The following DHRS4 variants were observed in gnomAD, a reference collection of about 807,000 sequenced individuals.
DHRS4 encodes dehydrogenase/reductase SDR family member 4.
In DHRS4, 20 loss-of-function variants were observed where a neutral mutation model predicts 28.4. That is an observed-to-expected ratio of 0.71 (90% CI 0.50 to 1.02). The LOEUF (loss-of-function observed/expected upper bound fraction) is 1.02, where lower values mean the gene tolerates loss of function less well. Among genes scored for constraint, DHRS4 ranks in the 50% least tolerant of loss-of-function variants. DHRS4 has a pLI of 0.00. For synonymous variants in DHRS4, 144 were observed against 146.4 expected (o/e 0.98, Z 0.12); for missense variants, 378 against 367.2 (o/e 1.03, Z -0.24).
chr14:23,963,427 C>T (rs1594429663), intron 3 of DHRS4, among the ~76,000 whole-genome samples: 1 of 139,460 alleles, frequency 7.2e-6, no homozygotes, highest in Admixed American at 7.2e-5. Context: ...CATCAGCACT[C>T]GCTGCTTCAT....
At chr14:23,966,838 C>A (rs141694248) in intron 6 of DHRS4, among the ~76,000 whole-genome samples, 1 of 152,216 alleles carries the variant, frequency 6.6e-6, no homozygotes, top group Non-Finnish European at 1.5e-5. Flanking sequence ...CTTCCCTTTC[C>A]GTTCTTCACT....
chr14:23,960,979 T>C (rs893192960), intron 3 of DHRS4, among the ~76,000 whole-genome samples: 10 of 151,828 alleles, frequency 6.6e-5, no homozygotes, highest in Non-Finnish European at 1.5e-4. Flanking sequence ...GATACCAGTC[T>C]CTTTTAAACA....
intron 2 of DHRS4, among the ~76,000 whole-genome samples, chr14:23,958,643 T>C (rs1355688412): frequency 1.3e-5 from 2 of 152,224 alleles, no homozygotes; most frequent in African/African-American, 2.4e-5. Flanking sequence ...AATGACATCA[T>C]AACCAAATAT....
At position 23,955,217 on chromosome 14, in the gene DHRS4, G is replaced by A. The variant is rs751158110; in HGVS notation, c.306+5G>A. 6.2e-7 allele frequency: 1 copy of A among 1,611,602 alleles called. No individual in the cohort carries two copies. The highest frequency in any genetic ancestry group is 1.3e-5 in the African/African-American group (1 of 74,888). On this transcript the variant is annotated splice_donor_5th_base_variant and intron_variant, in intron 2 of 7. Coordinates refer to ENST00000313250, the MANE Select transcript of DHRS4 (RefSeq NM_021004.4). ...CGGGAGCGGCTGGTGGCCACGGTGA[G>A]CTGCAGGGAAATGGGCACAGAGCCA...
chr14:23,959,176 C>T (rs6573485), intron 2 of DHRS4, among the ~76,000 whole-genome samples: 28,139 of 151,972 alleles, frequency 0.19, 6,234 homozygotes, highest in African/African-American at 0.54. Context: ...GACTTGAAAT[C>T]ATGAGAATGA....
chr14:23,959,433 T>C (rs1404518794), intron 2 of DHRS4, among the ~76,000 whole-genome samples: 1 of 152,082 alleles, frequency 6.6e-6, no homozygotes, highest in African/African-American at 2.4e-5. Context: ...TGGCACGCAC[T>C]TGTAGTCCCA....
intron 2 of DHRS4, 28 bp downstream of exon 2, chr14:23,955,240 C>A: frequency 1.9e-6 from 3 of 1,600,190 alleles, no homozygotes; most frequent in East Asian, 4.5e-5. Context: ...GGGCACAGAG[C>A]CAGGAGGTGG....
intron 2 of DHRS4, 139 bp from the exon 3 acceptor site, chr14:23,959,763 C>G: frequency 1.4e-5 from 14 of 971,244 alleles, no homozygotes; most frequent in Non-Finnish European, 1.8e-5. Context: ...AAGTGAGCCT[C>G]CCACCTTGGC....
At chr14:23,954,050 C>T (rs1267733300) in intron 1 of DHRS4, 134 bp downstream of exon 1, 11 of 1,410,676 alleles carry the variant, frequency 7.8e-6, no homozygotes, top group African/African-American at 1.4e-5. Flanking sequence ...AAAAGGTAGC[C>T]ACGTGGTCCG....
In DHRS4 at chr14:23,964,247, A is replaced by AACAAAAAAC. The variant is rs1555326222; in HGVS notation, c.409-1514_409-1513insCAAAAAACA. On this transcript the variant is annotated intron_variant, in intron 3 of 7. Transcript: ENST00000313250. ...AAAAAAAAAAAAAAAAAAAAAAAAA[A>AACAAAAAAC]AAAAAAACACAATATCTGCAAAGCA... Among the ~76,000 whole-genome samples, 361 of 129,710 alleles carry AACAAAAAAC rather than the reference A, an allele frequency of 2.8e-3. 10 individuals are homozygous for AACAAAAAAC. Among genetic ancestry groups the AACAAAAAAC allele is most frequent in the African/African-American group, 0.011 (344 of 30,124 alleles). 85.1% of individuals were successfully genotyped at this position (129,710 alleles called of 152,430 possible).
rs139648244 is a variant in DHRS4 at position 23,955,130 on chromosome 14, C to A, written c.224C>A (p.Thr75Lys). 1.9e-6 allele frequency: 3 copies of A among 1,613,906 alleles called. No homozygotes were observed. Among genetic ancestry groups the A allele is most frequent in the African/African-American group, 2.7e-5 (2 of 74,942 alleles). Residue 75 changes from threonine (T) to lysine (K), a missense_variant, in exon 2 of 8, where the codon ACG becomes AAG. Thr to Lys is a moderately conservative substitution (Grantham distance 78, BLOSUM62 -1). Coordinates refer to ENST00000313250, the MANE Select transcript of DHRS4 (RefSeq NM_021004.4). ...CAGAATGTGGACCAGGCGGTGGCCACGCTGCAGGGGGAGGGGCTGAGCGTG... is the reference window on the plus strand; with the variant it reads ...CAGAATGTGGACCAGGCGGTGGCCAAGCTGCAGGGGGAGGGGCTGAGCGTG... ...KQQNVDQAVATLQGEGLSVTG... is the reference protein window; with the variant it reads ...KQQNVDQAVAKLQGEGLSVTG...
intron 1 of DHRS4, chr14:23,954,161 C>T (rs8009022): frequency 0.096 from 53,516 of 560,218 alleles, 8,799 homozygotes; most frequent in African/African-American, 0.55. Context: ...GCAGCCCTAT[C>T]GATCTAGTCT....
chr14:23,966,410 G>A lies in DHRS4; in HGVS notation c.659G>A (p.Ser220Asn). Residue 220 changes from serine to asparagine, a missense_variant, in exon 6 of 8, where the codon AGC becomes AAC. Physicochemically the swap from Ser to Asn is conservative, Grantham distance 46. Transcript: ENST00000313250. ...LAPGLIKTSF[S>N]RMLWMDKEKE... is the part of the protein sequence containing the mutation. ...CCTGGACTTATCAAGACTAGCTTCA[G>A]CAGGATGGTGAGGAAGGGGAGCTTT... 2.5e-6 allele frequency: 4 copies of A among 1,613,756 alleles called. No homozygotes were observed. Among genetic ancestry groups the A allele is most frequent in the Non-Finnish European group, 2.5e-6 (3 of 1,179,938 alleles).
Position 23,961,544 on chromosome 14 carries a change from T to TCC in DHRS4, c.408+1543_408+1544dup, listed in dbSNP as rs1555325886. On this transcript the variant is annotated intron_variant, in intron 3 of 7. Coordinates refer to ENST00000313250, the MANE Select transcript of DHRS4 (RefSeq NM_021004.4). ...GTCTTTTTTCCTTTTTTTTTTTTTT[T>TCC]CCCTCGCTGTGTCATTGAGGCTAGA... 1.6e-5 allele frequency among the ~76,000 whole-genome samples: 2 copies of TCC among 123,578 alleles called. 1 individual carries two copies. The highest frequency in any genetic ancestry group is 3.2e-5 in the Non-Finnish European group (2 of 62,998). The allele number at this position is 123,578 out of a possible 152,430, so 81.1% of individuals were successfully genotyped here.
chr14:23,964,331 G>A (rs1253821045), intron 3 of DHRS4, among the ~76,000 whole-genome samples: 2 of 144,856 alleles, frequency 1.4e-5, no homozygotes, highest in Non-Finnish European at 3.0e-5. Context: ...AACTATCACA[G>A]TATGACAAAT....
intron 6 of DHRS4, among the ~76,000 whole-genome samples, chr14:23,966,801 C>G (rs1229288685): frequency 6.6e-6 from 1 of 152,290 alleles, no homozygotes; most frequent in African/African-American, 2.4e-5. Context: ...CATCCCTCCT[C>G]TCAGTTACCA....
intron 1 of DHRS4, among the ~76,000 whole-genome samples, chr14:23,954,511 A>C (rs1484933250): frequency 2.6e-5 from 4 of 152,224 alleles, no homozygotes; most frequent in Admixed American, 2.0e-4. Flanking sequence ...CTAAAATACA[A>C]ATGTAGGTAA....
chr14:23,956,598 C>CTTTT (rs1566469327), intron 2 of DHRS4, among the ~76,000 whole-genome samples: 1 of 127,040 alleles, frequency 7.9e-6, no homozygotes, highest in African/African-American at 4.5e-5. Flanking sequence ...GCCTCCATAT[C>CTTTT]CTTTTTTTTT....
intron 5 of DHRS4, 73 bp from the exon 6 acceptor site, chr14:23,966,210 C>A (rs1480216607): frequency 7.0e-6 from 11 of 1,580,444 alleles, no homozygotes; most frequent in Non-Finnish European, 9.4e-6. Context: ...TGAGCACTGC[C>A]CTCTATGTCT....
Sources: allele counts gnomAD v4.1 joint callset (sites outside exome capture counted in the v4.1 genomes callset), GRCh38; gene constraint gnomAD v4.1.1; transcripts MANE v1.5; gene names NCBI Gene and HGNC (gene_info 2026-07-23, HGNC 2026-07-21).